Variants in SSH2 observed in about 807,000 individuals in gnomAD.
The protein encoded by SSH2 is slingshot protein phosphatase 2.
A neutral mutation model predicts 135.2 loss-of-function variants in SSH2; 37 were observed. The observed-to-expected ratio is 0.27, with a 90% CI of 0.21 to 0.36. The LOEUF is 0.36. Ranked by LOEUF, SSH2 falls within the 10% of genes least tolerant of loss-of-function variation. The probability of loss-of-function intolerance (pLI) is 1.00; values close to 1 mark genes in which losing one functional copy is unlikely to be tolerated. For synonymous variants in SSH2, 628 were observed against 646.2 expected, an observed-to-expected ratio of 0.97 and a Z score of 0.43; for missense variants, 1,408 against 1,765.3, an observed-to-expected ratio of 0.80 and a Z score of 3.63.
intron 3 of SSH2, among the ~76,000 whole-genome samples, chr17:29,780,921 C>G (rs549870197): frequency 1.2e-4 from 19 of 152,054 alleles, no homozygotes; most frequent in Admixed American, 4.6e-4. Flanking sequence ...ACGCCATTCT[C>G]CTGCCTCAGC....
chr17:29,833,729 CCCTA>C (rs1299425121), intron 2 of SSH2, among the ~76,000 whole-genome samples: 1 of 103,918 alleles, frequency 9.6e-6, no homozygotes, highest in Non-Finnish European at 2.0e-5. Context: ...TTCCCTCCCT[CCCTA>C]CTTCCCTCCC....
intron 6 of SSH2, among the ~76,000 whole-genome samples, 156 bp from the exon 7 acceptor site, chr17:29,677,897 T>A (rs1434411847): frequency 6.6e-6 from 1 of 152,200 alleles, no homozygotes; most frequent in Non-Finnish European, 1.5e-5. Flanking sequence ...ATTATTAATC[T>A]TATGTATGTC....
chr17:29,809,287 A>AAAT (rs759380184), intron 2 of SSH2, among the ~76,000 whole-genome samples: 2 of 152,308 alleles, frequency 1.3e-5, no homozygotes, highest in South Asian at 2.1e-4. Flanking sequence ...AATCCTATTT[A>AAAT]GTAGCTTGAT....
intron 2 of SSH2, among the ~76,000 whole-genome samples, chr17:29,832,148 C>T (rs971027316): frequency 2.6e-5 from 4 of 152,076 alleles, no homozygotes; most frequent in African/African-American, 9.7e-5. Context: ...TAAAAGCTAT[C>T]TTCTGTTTTT....
intron 1 of SSH2, among the ~76,000 whole-genome samples, chr17:29,881,510 CT>C (rs1384336615): frequency 2.6e-5 from 4 of 151,218 alleles, no homozygotes; most frequent in African/African-American, 4.9e-5. Flanking sequence ...CTCTTTCTTT[CT>C]TTTTTTCCGA....
At position 29,631,095 on chromosome 17, in the gene SSH2, C is replaced by T. The variant is rs759805509; in HGVS notation, c.4099G>A (p.Glu1367Lys). The T allele has an allele frequency of 5.0e-6, 8 of 1,614,204 alleles. No homozygotes were observed. The highest frequency in any genetic ancestry group is 1.3e-5 in the African/African-American group (1 of 75,040). ...TTGGCATACTGCACAAGGGGCCTCT[C>T]CACTGGCTTGCTCTGCACAATACAC... The part of the protein sequence containing the change: ...TECIVQSKPV[E>K]RPLVQYAKEF... The change falls in exon 16 of 16, where the codon GAG (glutamate) becomes AAG (lysine). Residue 1367 changes from glutamate (E) to lysine (K), a missense_variant. Coordinates refer to ENST00000540801, the MANE Select transcript of SSH2 (RefSeq NM_001282129.2).
chr17:29,769,525 A>G lies in SSH2; in HGVS notation c.188+24369T>C, dbSNP rs374526157. Among the ~76,000 whole-genome samples the G allele has an allele frequency of 3.3e-5, 5 of 152,304 alleles. 1 individual carries two copies. Among genetic ancestry groups the G allele is most frequent in the African/African-American group, 9.6e-5 (4 of 41,570 alleles). On this transcript the variant is annotated intron_variant, in intron 3 of 15. Coordinates refer to ENST00000540801, the MANE Select transcript of SSH2 (RefSeq NM_001282129.2). ...CAAACTTGTATTCATCACATTTTCC[A>G]AAGCACTTATATCTAAAGATATTTT...
intron 9 of SSH2, among the ~76,000 whole-genome samples, chr17:29,669,813 G>A (rs932348063): frequency 1.3e-5 from 2 of 151,470 alleles, no homozygotes; most frequent in Non-Finnish European, 2.9e-5. Flanking sequence ...TGTAAAGAGA[G>A]TAAGAGCAAT....
chr17:29,689,593 A>AT (rs746277354), intron 5 of SSH2, among the ~76,000 whole-genome samples: 8 of 152,158 alleles, frequency 5.3e-5, no homozygotes, highest in Non-Finnish European at 1.2e-4. Flanking sequence ...AAGAAACTAC[A>AT]TTTACTGCCT....
At chr17:29,766,985 A>G (rs1205895156) in intron 3 of SSH2, among the ~76,000 whole-genome samples, 1 of 152,240 alleles carries the variant, frequency 6.6e-6, no homozygotes, top group Non-Finnish European at 1.5e-5. Context: ...CTTAAAAGCA[A>G]TCATGTTTTG....
intron 4 of SSH2, among the ~76,000 whole-genome samples, chr17:29,698,769 T>C (rs1403025148): frequency 6.6e-6 from 1 of 152,160 alleles, no homozygotes; most frequent in Non-Finnish European, 1.5e-5. Flanking sequence ...AATGCTGGGA[T>C]TACAGGCACA....
In SSH2 at chr17:29,703,067, A is replaced by C; in HGVS notation, c.189-5T>G. 1 of 1,602,742 alleles carries C rather than the reference A, an allele frequency of 6.2e-7. No homozygotes were observed. Among genetic ancestry groups the C allele is most frequent in the Middle Eastern group, 1.7e-4 (1 of 6,036 alleles). On this transcript the variant is annotated splice_polypyrimidine_tract_variant and splice_region_variant and intron_variant, in intron 3 of 15. Coordinates refer to ENST00000540801, the MANE Select transcript of SSH2 (RefSeq NM_001282129.2). ...GTTAGAAAGCTCTCGCTGATGCTAC[A>C]AGGAAAAAGTCAAAAGAAAATAAAT...
intron 2 of SSH2, among the ~76,000 whole-genome samples, chr17:29,847,943 A>G (rs1161215017): frequency 6.6e-6 from 1 of 152,188 alleles, no homozygotes; most frequent in Non-Finnish European, 1.5e-5. Flanking sequence ...GAGTATATAT[A>G]CAGTTGCCAA....
At position 29,627,291 on chromosome 17, in the gene SSH2, G is replaced by T. The variant is rs1201188214; in HGVS notation, c.*3550C>A. ...TTTGCATAATGCTTTCTTAAAAAAA[G>T]AACTCTCACAAAAACATTTTTACCA... On this transcript the variant is annotated 3_prime_UTR_variant, in exon 16 of 16. Transcript: ENST00000540801. 2 of 152,582 alleles carry T rather than the reference G, an allele frequency of 1.3e-5. No individual in the cohort carries two copies. Among genetic ancestry groups the T allele is most frequent in the African/African-American group, 4.8e-5 (2 of 41,436 alleles). The allele number at this position is 152,582 out of a possible 1,614,324, so 9.5% of individuals were successfully genotyped here.
At chr17:29,796,808 CTT>C (rs200405675) in intron 2 of SSH2, among the ~76,000 whole-genome samples, 8 of 142,844 alleles carry the variant, frequency 5.6e-5, no homozygotes, top group Non-Finnish European at 3.1e-5. Context: ...TTTTTCCTTT[CTT>C]TTTTTTTTTT....
At chr17:29,897,603 T>C (rs1319362395) in intron 1 of SSH2, among the ~76,000 whole-genome samples, 1 of 152,118 alleles carries the variant, frequency 6.6e-6, no homozygotes, top group African/African-American at 2.4e-5. Context: ...ATGCACCCAA[T>C]ACAGGAGCAC....
chr17:29,820,327 G>A (rs1268560345), intron 2 of SSH2, among the ~76,000 whole-genome samples: 3 of 152,194 alleles, frequency 2.0e-5, no homozygotes. Context: ...ATCTGTTTCT[G>A]TATTGGCTCT....
At chr17:29,811,525 C>T (rs1043724872) in intron 2 of SSH2, among the ~76,000 whole-genome samples, 3 of 151,720 alleles carry the variant, frequency 2.0e-5, no homozygotes, top group African/African-American at 7.3e-5. Flanking sequence ...AGTGCTTCCA[C>T]TCACAAATAA....
At chr17:29,824,684 T>A (rs1223330697) in intron 2 of SSH2, among the ~76,000 whole-genome samples, 1 of 152,144 alleles carries the variant, frequency 6.6e-6, no homozygotes, top group Non-Finnish European at 1.5e-5. Flanking sequence ...GGAATGGCAG[T>A]AGAGAATGGA....
Sources: gnomAD v4.1 joint callset for allele counts (sites outside exome capture counted in the v4.1 genomes callset) on GRCh38, gnomAD v4.1.1 for gene constraint, MANE v1.5 for transcripts, NCBI Gene and HGNC (gene_info 2026-07-23, HGNC 2026-07-21) for gene names.